The following UNC80 variants were observed in gnomAD, a reference collection of about 807,000 sequenced individuals.
The protein encoded by UNC80 is protein unc-80 homolog.
In UNC80, 164 loss-of-function variants were observed where a neutral mutation model predicts 384.6. The ratio of observed to expected loss-of-function variants is 0.43; its 90% CI spans 0.38 to 0.49. The LOEUF (loss-of-function observed/expected upper bound fraction) is 0.49, where lower values mean the gene tolerates loss of function less well. Ranked by LOEUF, UNC80 falls within the 20% of genes least tolerant of loss-of-function variation. The pLI is 0.00. For missense variants in UNC80, 3,330 were observed against 4,143.0 expected (o/e 0.80, Z 5.39); for synonymous variants, 1,486 against 1,527.8 (o/e 0.97, Z 0.64).
At chr2:209,810,560 C>G (rs923910885) in intron 7 of UNC80, among the ~76,000 whole-genome samples, 1 of 151,976 alleles carries the variant, frequency 6.6e-6, no homozygotes, top group Non-Finnish European at 1.5e-5. Context: ...CTCCCTCCTT[C>G]GTATCCTTCT....
chr2:209,821,365 G>A (rs114843987), intron 13 of UNC80, among the ~76,000 whole-genome samples: 1,562 of 151,900 alleles, frequency 0.01, 28 homozygotes, highest in African/African-American at 0.035. Context: ...AAATACCATC[G>A]GATTGAGGGA....
chr2:209,956,828 G>C (rs2092436285), intron 48 of UNC80, among the ~76,000 whole-genome samples: 1 of 152,266 alleles, frequency 6.6e-6, no homozygotes, highest in South Asian at 2.1e-4. Flanking sequence ...AACGGGCAAA[G>C]ATACTGGGAG....
intron 23 of UNC80, among the ~76,000 whole-genome samples, chr2:209,875,023 C>G (rs189396549): frequency 6.6e-6 from 1 of 152,176 alleles, no homozygotes; most frequent in African/African-American, 2.4e-5. Context: ...CCCATGACTT[C>G]TCATCTCGAT....
intron 37 of UNC80, among the ~76,000 whole-genome samples, 181 bp downstream of exon 37, chr2:209,930,152 C>G (rs151103102): frequency 6.6e-6 from 1 of 152,020 alleles, no homozygotes; most frequent in Admixed American, 6.5e-5. Flanking sequence ...TTTAATTTCT[C>G]CATTAATTCA....
intron 13 of UNC80, among the ~76,000 whole-genome samples, chr2:209,825,121 G>T (rs565603543): frequency 6.6e-6 from 1 of 152,280 alleles, no homozygotes; most frequent in East Asian, 1.9e-4. Context: ...GAAGGACTGA[G>T]ACAGGCTGCA....
At chr2:209,903,402 ATTATATATATACACATTATATATAT>A (rs1386250413) in intron 28 of UNC80, among the ~76,000 whole-genome samples, 11 of 120,340 alleles carry the variant, frequency 9.1e-5, no homozygotes, top group Admixed American at 4.7e-4. Context: ...TTATATATAT[ATTATATATATACACATTATATATAT>A]TTATATATAT....
rs2080967821 is a variant in UNC80, at chr2:209,831,544, A to G, written c.2728A>G (p.Thr910Ala). The stretch of plus-strand genomic sequence containing the variant: ...CAGCGCCATGTTTAAATCCCTCATC[A>G]CACGCTGCGCTTCAACCACACATGA... The part of the protein sequence containing the change: ...IVSAMFKSLI[T>A]RCASTTHELH... Residue 910 changes from threonine to alanine, a missense_variant, in exon 16 of 65, where the codon ACA (threonine) becomes GCA (alanine). By Grantham distance (58) the Thr-to-Ala change is moderately conservative. Around this residue, in one of 8 missense-constraint regions of UNC80, gnomAD observed 937 missense variants for 1,026.8 expected, o/e 0.91. Coordinates refer to ENST00000673920, the MANE Select transcript of UNC80 (RefSeq NM_001371986.1). 5 of 1,550,750 alleles carry G rather than the reference A, an allele frequency of 3.2e-6. No individual in the cohort carries two copies. Among genetic ancestry groups the G allele is most frequent in the Non-Finnish European group, 3.5e-6 (4 of 1,146,640 alleles).
rs557305771 is a variant in UNC80 at position 209,802,804 on chromosome 2, G to A, written c.938+8945G>A. On this transcript the variant is annotated intron_variant, in intron 7 of 64. Transcript: ENST00000673920. ...AATCTAGGTGTTGGCATGGACTGCA[G>A]TTGCCTCACAGGCTTAACTGGGGAA... Among the ~76,000 whole-genome samples the A allele has an allele frequency of 3.3e-5, 5 of 152,312 alleles. No homozygotes were observed. In the South Asian group the frequency reaches 1.0e-3, roughly 32 times the overall value.
chr2:209,973,343 T>C (rs1406984549), intron 56 of UNC80, 73 bp downstream of exon 56: 5 of 1,278,974 alleles, frequency 3.9e-6, no homozygotes, highest in Admixed American at 2.7e-5. Flanking sequence ...TATGTGTAGA[T>C]AGATAGATAA....
At position 209,996,402 on chromosome 2, in the gene UNC80, T is replaced by C. The variant is rs1407652249; in HGVS notation, c.*807T>C. 6.6e-6 allele frequency: 1 copy of C among 152,240 alleles called. No individual in the cohort carries two copies. The highest frequency in any genetic ancestry group is 1.5e-5 in the Non-Finnish European group (1 of 68,022). The allele number at this position is 152,240 out of a possible 1,614,324, so 9.4% of individuals were successfully genotyped here. A position where few individuals can be genotyped will look rare whatever the true frequency, so the allele number is the denominator to read the frequency against. On this transcript the variant is annotated 3_prime_UTR_variant, in exon 65 of 65. Coordinates refer to ENST00000673920, the MANE Select transcript of UNC80 (RefSeq NM_001371986.1). Reference sequence around the variant, plus strand: ...TCACTTAAAAGAGATGGTATTCCTATTCCTAGCCCTGACTACATCAATACC... The same window carrying C: ...TCACTTAAAAGAGATGGTATTCCTACTCCTAGCCCTGACTACATCAATACC...
chr2:209,913,172 A>G (rs987627304), intron 30 of UNC80, among the ~76,000 whole-genome samples: 2 of 152,188 alleles, frequency 1.3e-5, no homozygotes, highest in African/African-American at 4.8e-5. Flanking sequence ...ACATTGTTAT[A>G]TTGTTATTAC....
At position 209,982,768 on chromosome 2, in the gene UNC80, G is replaced by C. The variant is rs568634407; in HGVS notation, c.9257+451G>C. On this transcript the variant is annotated intron_variant, in intron 60 of 64. Coordinates refer to ENST00000673920, the MANE Select transcript of UNC80 (RefSeq NM_001371986.1). ...ATCTATGCCACTGAGTGTGACCTTG[G>C]GCAGGTCATTTAACCGTAATCCACA... The C allele has an allele frequency of 2.6e-5, 4 of 151,920 alleles. No homozygotes were observed. The East Asian group carries it at 7.8e-4, about 30-fold the overall frequency. 9.4% of individuals were successfully genotyped at this position (151,920 alleles called of 1,614,324 possible).
intron 39 of UNC80, among the ~76,000 whole-genome samples, chr2:209,935,225 A>G (rs1299254495): frequency 6.6e-6 from 1 of 152,124 alleles, no homozygotes; most frequent in Non-Finnish European, 1.5e-5. Flanking sequence ...AAGTTATTCC[A>G]TTTCTCTTTT....
chr2:209,820,883 T>C (rs2080086738), intron 13 of UNC80, among the ~76,000 whole-genome samples: 1 of 152,194 alleles, frequency 6.6e-6, no homozygotes, highest in South Asian at 2.1e-4. Context: ...CCAATATCTA[T>C]TGCCATCCAA....
At chr2:209,837,266 C>G (rs1037129420) in intron 18 of UNC80, among the ~76,000 whole-genome samples, 1 of 152,142 alleles carries the variant, frequency 6.6e-6, no homozygotes, top group African/African-American at 2.4e-5. Flanking sequence ...ATAGCTAAAA[C>G]CCCATAAATA....
chr2:209,972,998 T>C lies in UNC80; in HGVS notation c.8381-66T>C. On this transcript the variant is annotated intron_variant, in intron 55 of 64. Coordinates refer to ENST00000673920, the MANE Select transcript of UNC80 (RefSeq NM_001371986.1). The stretch of plus-strand genomic sequence containing the variant: ...GGAAAGAGCTGAGTTTTTCTGTATC[T>C]ACTGTGGACAGTCTACCTTGTGATG... 3 of 1,439,574 alleles carry C rather than the reference T, an allele frequency of 2.1e-6. No individual in the cohort carries two copies. In the East Asian group the frequency reaches 7.5e-5, roughly 36 times the overall value. The allele number at this position is 1,439,574 out of a possible 1,614,324, so 89.2% of individuals were successfully genotyped here.
intron 54 of UNC80, among the ~76,000 whole-genome samples, chr2:209,971,465 A>AG (rs2092883742): frequency 3.2e-3 from 5 of 1,544 alleles, no homozygotes; most frequent in Admixed American, 0.014. Flanking sequence ...TTCCCAAGGC[A>AG]AAAAAAAAAA....
intron 22 of UNC80, among the ~76,000 whole-genome samples, chr2:209,853,329 T>A (rs1443672654): frequency 6.6e-6 from 1 of 152,144 alleles, no homozygotes; most frequent in Non-Finnish European, 1.5e-5. Context: ...TAAATGTGAT[T>A]TTTTTAAGAT....
At chr2:209,983,748 T>G (rs7593548) in intron 60 of UNC80, among the ~76,000 whole-genome samples, 76,105 of 151,948 alleles carry the variant, frequency 0.5, 19,175 homozygotes, top group African/African-American at 0.53. Context: ...TTTTACATAT[T>G]CATTAAGGGG....
Sources: allele counts gnomAD v4.1 joint callset (sites outside exome capture counted in the v4.1 genomes callset), GRCh38; gene constraint gnomAD v4.1.1; regional missense constraint gnomAD v4.1.1; transcripts MANE v1.5; gene names NCBI Gene and HGNC (gene_info 2026-07-23, HGNC 2026-07-21).